The following NUP210L variants were observed in gnomAD, a reference collection of about 807,000 sequenced individuals.
NUP210L encodes nuclear pore membrane glycoprotein 210-like.
In NUP210L, 74 loss-of-function variants were observed where a neutral mutation model predicts 208.5. The ratio of observed to expected loss-of-function variants is 0.35; its 90% CI spans 0.29 to 0.43. NUP210L has a LOEUF of 0.43. Among genes scored for constraint, NUP210L ranks in the 20% least tolerant of loss-of-function variants. The pLI, the probability that NUP210L is intolerant of heterozygous loss-of-function variation, is 1.00. For missense variants in NUP210L, 1,843 were observed against 2,289.4 expected (o/e 0.81, Z 3.98); for synonymous variants, 780 against 816.9 (o/e 0.95, Z 0.77).
chr1:154,047,280 A>G lies in NUP210L; in HGVS notation c.3484-911T>C, dbSNP rs536349634. 9.2e-5 allele frequency among the ~76,000 whole-genome samples: 14 copies of G among 152,126 alleles called. No individual in the cohort carries two copies. The South Asian group carries it at 2.5e-3, about 27-fold the overall frequency. On this transcript the variant is annotated intron_variant, in intron 25 of 39. Coordinates refer to ENST00000368559, the Ensembl canonical transcript of NUP210L. ...GGATTGTCTGTAACACAGAAAGGAT[A>G]AATGCTTGAGGTGGTGGATACCCCA...
intron 16 of NUP210L, among the ~76,000 whole-genome samples, chr1:154,073,304 C>T (rs1412946779): frequency 2.0e-5 from 3 of 152,036 alleles, no homozygotes; most frequent in African/African-American, 7.2e-5. Context: ...TCTTGAACTC[C>T]TGGGCTCAAG....
chr1:154,036,314 A>ATGTGTGTG (rs57011341), intron 27 of NUP210L, among the ~76,000 whole-genome samples: 24 of 108,156 alleles, frequency 2.2e-4, no homozygotes, highest in Non-Finnish European at 3.5e-4. Flanking sequence ...CAGTTGGAAC[A>ATGTGTGTG]TGTGTGTGTG....
intron 14 of NUP210L, among the ~76,000 whole-genome samples, chr1:154,097,851 A>C (rs564049844): frequency 6.6e-6 from 1 of 152,264 alleles, no homozygotes; most frequent in East Asian, 1.9e-4. Flanking sequence ...TTTATTTTGA[A>C]CTGTTGCAGG....
At chr1:153,995,845 T>A (rs1649824712) in intron 37 of NUP210L, 2 of 599,392 alleles carry the variant, frequency 3.3e-6, no homozygotes, top group Admixed American at 1.9e-5. Context: ...CAAAACAACA[T>A]GTCGGGTTCC....
At chr1:154,123,708 T>C (rs1268987493) in intron 10 of NUP210L, among the ~76,000 whole-genome samples, 1 of 151,026 alleles carries the variant, frequency 6.6e-6, no homozygotes, top group Non-Finnish European at 1.5e-5. Flanking sequence ...TAAAACCTTG[T>C]CTCTACTAAA....
chr1:154,020,505 A>G (rs1651490752), intron 32 of NUP210L, among the ~76,000 whole-genome samples: 1 of 151,768 alleles, frequency 6.6e-6, no homozygotes, highest in African/African-American at 2.4e-5. Context: ...ATATGCCACT[A>G]CACCGGGATA....
intron 33 of NUP210L, among the ~76,000 whole-genome samples, chr1:154,013,063 G>A (rs1419899083): frequency 3.5e-5 from 5 of 144,112 alleles, no homozygotes; most frequent in Non-Finnish European, 7.5e-5. Context: ...GGCTCAGAGC[G>A]AGACTCCAAA....
exon 12 of NUP210L, chr1:154,117,768 A>C: frequency 6.2e-7 from 1 of 1,609,206 alleles, no homozygotes; most frequent in Non-Finnish European, 8.5e-7. Flanking sequence ...ATCTCGGGCC[A>C]AAACAGTACT....
intron 3 of NUP210L, among the ~76,000 whole-genome samples, chr1:154,142,299 C>A (rs985517263): frequency 6.6e-6 from 1 of 152,008 alleles, no homozygotes; most frequent in African/African-American, 2.4e-5. Flanking sequence ...CAGGATACTT[C>A]AACCTCGGCC....
chr1:154,138,014 G>A (rs1658635145), intron 6 of NUP210L, 92 bp downstream of exon 6: 1 of 911,432 alleles, frequency 1.1e-6, no homozygotes, highest in Non-Finnish European at 1.6e-6. Flanking sequence ...AAAAACACAA[G>A]TATTTTTCAT....
At chr1:154,087,245 G>A (rs560460437) in intron 16 of NUP210L, among the ~76,000 whole-genome samples, 13 of 151,532 alleles carry the variant, frequency 8.6e-5, no homozygotes, top group South Asian at 8.4e-4. Flanking sequence ...ATTTGAACCC[G>A]GGGGCTGGAG....
intron 16 of NUP210L, among the ~76,000 whole-genome samples, chr1:154,086,126 A>G (rs2148039082): frequency 6.6e-6 from 1 of 151,734 alleles, no homozygotes; most frequent in South Asian, 2.1e-4. Flanking sequence ...GCATGAGAAT[A>G]ACTTGAACCC....
At chr1:154,028,243 CT>C (rs1652009978) in intron 28 of NUP210L, among the ~76,000 whole-genome samples, 1 of 152,136 alleles carries the variant, frequency 6.6e-6, no homozygotes, top group Non-Finnish European at 1.5e-5. Flanking sequence ...ACTCTTACAC[CT>C]TATCAAAAGT....
chr1:154,063,925 A>G lies in NUP210L; in HGVS notation c.2555-2251T>C, dbSNP rs990708130. On this transcript the variant is annotated intron_variant, in intron 17 of 39. Transcript: ENST00000368559. The stretch of plus-strand genomic sequence containing the variant: ...ATTTGGGTAGATGTAGAACCATTCA[A>G]TGGAATAGGGAGCACTAAAGTACAT... Among the ~76,000 whole-genome samples the G allele has an allele frequency of 2.6e-5, 4 of 150,994 alleles. No individual in the cohort carries two copies. The East Asian group carries it at 5.8e-4, about 22-fold the overall frequency.
intron 25 of NUP210L, among the ~76,000 whole-genome samples, chr1:154,052,412 G>A (rs1455900648): frequency 2.6e-5 from 4 of 152,092 alleles, no homozygotes; most frequent in South Asian, 2.1e-4. Context: ...AGCAACACCC[G>A]TCGAACACAG....
intron 12 of NUP210L, chr1:154,104,540 A>G (rs1240289817): frequency 4.2e-6 from 1 of 239,798 alleles, no homozygotes; most frequent in Non-Finnish European, 8.2e-6. Flanking sequence ...TGGGGAGTAC[A>G]GTGATTGTGG....
chr1:154,122,841 C>T (rs1316328517), intron 10 of NUP210L, among the ~76,000 whole-genome samples: 1 of 151,826 alleles, frequency 6.6e-6, no homozygotes, highest in East Asian at 1.9e-4. Flanking sequence ...GGTGGAGCAC[C>T]TGAGTTCAGG....
rs964702062 is a variant in NUP210L, at chr1:154,140,031, A to G, written c.567-79T>C. Reference sequence around the variant, plus strand: ...CAAAAGTCCCTAAGAGACTTTAAACATAGTTTCTTCAATGTCTATAGAATG... The same window carrying G: ...CAAAAGTCCCTAAGAGACTTTAAACGTAGTTTCTTCAATGTCTATAGAATG... On this transcript the variant is annotated intron_variant, in intron 4 of 39. Coordinates refer to ENST00000368559, the Ensembl canonical transcript of NUP210L. 4 of 1,132,326 alleles carry G rather than the reference A, an allele frequency of 3.5e-6. No individual in the cohort carries two copies. The East Asian group carries it at 7.1e-5, about 20-fold the overall frequency. 70.1% of individuals were successfully genotyped at this position (1,132,326 alleles called of 1,614,324 possible). A position where few individuals can be genotyped will look rare whatever the true frequency, so the allele number is the denominator to read the frequency against.
chr1:154,001,031 G>T lies in NUP210L; in HGVS notation c.5211C>A (p.Val1737=), dbSNP rs368220590. 22 of 1,613,932 alleles carry T rather than the reference G, an allele frequency of 1.4e-5. No individual in the cohort carries two copies. In the Admixed American group the frequency reaches 3.5e-4, roughly 26 times the overall value. The change falls in exon 37 of 40, where the codon GTC becomes GTA. Residue 1737 remains valine, a synonymous_variant. Transcript: ENST00000368559. ...TGAGGGGAGAGTGGCTATGGCCAGC[G>T]ACCACTAGAACTGGGGAGCTGGAGA...
Sources: gnomAD v4.1 joint callset for allele counts (sites outside exome capture counted in the v4.1 genomes callset) on GRCh38, gnomAD v4.1.1 for gene constraint, MANE v1.5 for transcripts, NCBI Gene and HGNC (gene_info 2026-07-23, HGNC 2026-07-21) for gene names.